The following CDH24 variants were observed in gnomAD, a reference collection of about 807,000 sequenced individuals.
The protein encoded by CDH24 is cadherin 24.
In CDH24, 61 loss-of-function variants were observed where a neutral mutation model predicts 71.2. The observed-to-expected ratio is 0.86, with a 90% CI of 0.70 to 1.06. The LOEUF (loss-of-function observed/expected upper bound fraction) is 1.06, where lower values mean the gene tolerates loss of function less well. Ranked by LOEUF, CDH24 falls within the 50% of genes least tolerant of loss-of-function variation. The probability of loss-of-function intolerance (pLI) is 0.00; values close to 1 mark genes in which losing one functional copy is unlikely to be tolerated. For synonymous variants in CDH24, 440 were observed against 470.2 expected (o/e 0.94, Z 0.83); for missense variants, 961 against 1,083.7 (o/e 0.89, Z 1.59).
chr14:23,052,335 C>G (rs1404093848), intron 8 of CDH24, 138 bp downstream of exon 8: 1 of 967,486 alleles, frequency 1.0e-6, no homozygotes, highest in Admixed American at 2.0e-5. Flanking sequence ...CAGGCTAGGA[C>G]TCAGATCCAG....
intron 10 of CDH24, 35 bp downstream of exon 10, chr14:23,049,592 G>A (rs1266621601): frequency 8.1e-7 from 1 of 1,237,612 alleles, no homozygotes; most frequent in East Asian, 2.3e-5. Flanking sequence ...AGGGGACAGA[G>A]GCAGGTATGG....
At position 23,054,014 on chromosome 14, in the gene CDH24, G is replaced by A. The variant is rs1233212329; in HGVS notation, c.972+127C>T. 3.7e-5 allele frequency: 39 copies of A among 1,055,052 alleles called. 1 individual carries two copies. The East Asian group carries it at 9.1e-4, about 24-fold the overall frequency. 65.4% of individuals were successfully genotyped at this position (1,055,052 alleles called of 1,614,324 possible). On this transcript the variant is annotated intron_variant, in intron 6 of 12. Transcript: ENST00000487137. This position sits in a 1 kb window ranked among gnomAD's most constrained non-coding sequence, Gnocchi z 5.2. ...CAGGGCCTCATCTGAAGGATGAGGA[G>A]GTGACCATGATCTCTAAGCTCCAAC...
chr14:23,049,585 G>T, intron 10 of CDH24, 42 bp downstream of exon 10: 2 of 1,194,364 alleles, frequency 1.7e-6, no homozygotes, highest in Non-Finnish European at 2.4e-6. Flanking sequence ...GAGGAGAAGG[G>T]GACAGAGGCA....
Position 23,055,387 on chromosome 14 carries a change from C to T in CDH24, c.202-34G>A. 1.9e-6 allele frequency: 3 copies of T among 1,596,350 alleles called. No individual in the cohort carries two copies. Among genetic ancestry groups the T allele is most frequent in the African/African-American group, 2.7e-5 (2 of 74,624 alleles). ...GTCACGAAAAGATGGCAGAGGGCTC[C>T]AAGTACAGAGACAGGGTTAAAGAGT... On this transcript the variant is annotated intron_variant, in intron 2 of 12. Transcript: ENST00000487137. The surrounding 1 kb of genome is among the most constrained non-coding windows in gnomAD (Gnocchi z 4.1).
In CDH24 at chr14:23,053,691, A is replaced by C; in HGVS notation, c.1031T>G (p.Leu344Arg). ...TCGCCGCAGATAGGCTGGGTCAATG[A>C]GCGTGTTGGTGGCCTCGACACGGAA... is the stretch of plus-strand genomic sequence containing the variant. Reference protein sequence around the residue: ...YSFRVEATNTLIDPAYLRRGP... With the variant: ...YSFRVEATNTRIDPAYLRRGP... Residue 344 changes from leucine (L) to arginine (R), a missense_variant, in exon 7 of 13, where the codon CTC becomes CGC. Physicochemically the swap from Leu to Arg is moderately radical, Grantham distance 102 (BLOSUM62 -2). Around this residue, in one of 2 missense-constraint regions of CDH24, gnomAD observed 671 missense variants for 810.9 expected, o/e 0.83. Coordinates refer to ENST00000487137, the MANE Select transcript of CDH24 (RefSeq NM_144985.4). 3 of 1,613,680 alleles carry C rather than the reference A, an allele frequency of 1.9e-6. No homozygotes were observed. The highest frequency in any genetic ancestry group is 2.5e-6 in the Non-Finnish European group (3 of 1,179,832).
In CDH24 at chr14:23,053,649, A is replaced by T. The variant is rs753594961; in HGVS notation, c.1073T>A (p.Val358Glu). ...TTGCACTGCCACACGCACAGAGGCC[A>T]CATCCTTGAAGGGCCCTCGCCGCAG... ...AYLRRGPFKD[V>E]ASVRVAVQDA... The change falls in exon 7 of 13, where the codon GTG (valine) becomes GAG (glutamate). Residue 358 changes from valine to glutamate, a missense_variant. By Grantham distance (121) the Val-to-Glu change is moderately radical. This residue lies in a region of CDH24 where 671 missense variants were observed against 810.9 expected (regional missense o/e 0.83). Transcript: ENST00000487137. 3.7e-6 allele frequency: 6 copies of T among 1,613,886 alleles called. No individual in the cohort carries two copies. In the East Asian group the frequency reaches 1.3e-4, roughly 36 times the overall value.
rs1475393724 is a variant in CDH24 at position 23,048,431 on chromosome 14, A to C, written c.1895T>G (p.Leu632Arg). The part of the protein sequence containing the change: ...VALRRQKQEA[L>R]MVLEEEDVRE... ...GACGTCCTCCTCCTCCAGTACCATCAGTGCTTCTTGCTTCTGCCGCCGCAG... is the reference window on the plus strand; with the variant it reads ...GACGTCCTCCTCCTCCAGTACCATCCGTGCTTCTTGCTTCTGCCGCCGCAG... Residue 632 changes from leucine (L) to arginine (R), a missense_variant, in exon 12 of 13, where the codon CTG (leucine) becomes CGG (arginine). This residue lies in a region of CDH24 where 290 missense variants were observed against 272.8 expected (regional missense o/e 1.06). Coordinates refer to ENST00000487137, the MANE Select transcript of CDH24 (RefSeq NM_144985.4). 1 of 1,611,928 alleles carries C rather than the reference A, an allele frequency of 6.2e-7. No homozygotes were observed.
chr14:23,048,595 A>C, intron 11 of CDH24, 116 bp from the exon 12 acceptor site: 1 of 1,015,698 alleles, frequency 9.8e-7, no homozygotes, highest in Non-Finnish European at 1.5e-6. Flanking sequence ...AGGGGCTGAC[A>C]TCTAGCAAAC....
chr14:23,054,811 G>C lies in CDH24; in HGVS notation c.552C>G (p.Asn184Lys). Residue 184 changes from asparagine to lysine, a missense_variant, in exon 4 of 13, where the codon AAC (asparagine) becomes AAG (lysine). By Grantham distance (94) the Asn-to-Lys change is moderately conservative. Transcript: ENST00000487137. This position sits in a 1 kb window ranked among gnomAD's most constrained non-coding sequence, Gnocchi z 5.2. ...GAACAGTGTACACCAGCTTGGCACT[G>C]TTCCCATAGCTGGGGTCATCAGCAT... ...AHDADDPSYG[N>K]SAKLVYTVLD... is the part of the protein sequence containing the mutation. 6.2e-7 allele frequency: 1 copy of C among 1,614,022 alleles called. No individual in the cohort carries two copies. The highest frequency in any genetic ancestry group is 8.5e-7 in the Non-Finnish European group (1 of 1,180,026).
At chr14:23,053,841 G>T in intron 6 of CDH24, 92 bp from the exon 7 acceptor site, 1 of 1,267,306 alleles carries the variant, frequency 7.9e-7, no homozygotes, top group Non-Finnish European at 1.1e-6. Context: ...CTCCTCACAT[G>T]CATGCAGTGC....
chr14:23,049,498 C>T, intron 10 of CDH24, 129 bp downstream of exon 10: 2 of 698,314 alleles, frequency 2.9e-6, no homozygotes, highest in Non-Finnish European at 2.4e-6. Context: ...AGTACAAGTC[C>T]ACACCCATCT....
Position 23,055,577 on chromosome 14 carries a change from CAAAG to C in CDH24, c.153_156del (p.Phe51LeufsTer32). Reference sequence around the variant, plus strand: ...TCTGGACCAGCATATTCCTCAATGACAAAGAACTGGTTCCAGACCCAGCTCCTTC... The same window carrying C: ...TCTGGACCAGCATATTCCTCAATGACAACTGGTTCCAGACCCAGCTCCTTC... On this transcript the variant is annotated frameshift_variant, in exon 2 of 13. Coordinates refer to ENST00000487137, the MANE Select transcript of CDH24 (RefSeq NM_144985.4). LOFTEE classifies it high-confidence loss of function. The surrounding 1 kb of genome is among the most constrained non-coding windows in gnomAD (Gnocchi z 4.1). 2 of 1,614,076 alleles carry C rather than the reference CAAAG, an allele frequency of 1.2e-6. No homozygotes were observed. The highest frequency in any genetic ancestry group is 1.7e-6 in the Non-Finnish European group (2 of 1,180,010).
Position 23,054,268 on chromosome 14 carries a change from C to T in CDH24, c.845G>A (p.Arg282Gln), listed in dbSNP as rs764282796. The T allele has an allele frequency of 1.1e-5, 17 of 1,613,050 alleles. No individual in the cohort carries two copies. The highest frequency in any genetic ancestry group is 3.3e-5 in the South Asian group (3 of 91,034). Residue 282 changes from arginine (R) to glutamine (Q), a missense_variant, in exon 6 of 13, where the codon CGG (arginine) becomes CAG (glutamine). Coordinates refer to ENST00000487137, the MANE Select transcript of CDH24 (RefSeq NM_144985.4). The surrounding 1 kb of genome is among the most constrained non-coding windows in gnomAD (Gnocchi z 5.2). ...GTCCCCCAGGTCTGGGTCCTGGGCC[C>T]GGAGCCGGCCCACCAGTGTGCCAGG... ...AGPGTLVGRL[R>Q]AQDPDLGDNA... is the part of the protein sequence containing the mutation.
In CDH24 at chr14:23,054,518, TGGG is replaced by T; in HGVS notation, c.769_771del (p.Pro257del). Reference sequence around the variant, plus strand: ...AATGGCCCCTTACTCTGTGGGAACTTGGGGGGGTTGTCGTTGACATCGCTGAGC... The same window carrying T: ...AATGGCCCCTTACTCTGTGGGAACTTGGGGTTGTCGTTGACATCGCTGAGC... On this transcript the variant is annotated inframe_deletion, in exon 5 of 13. Transcript: ENST00000487137. The surrounding 1 kb of genome is among the most constrained non-coding windows in gnomAD (Gnocchi z 5.2). 5.0e-6 allele frequency: 8 copies of T among 1,613,092 alleles called. No individual in the cohort carries two copies. Among genetic ancestry groups the T allele is most frequent in the Admixed American group, 1.7e-5 (1 of 59,952 alleles).
chr14:23,050,891 A>G (rs1437799248), intron 8 of CDH24, among the ~76,000 whole-genome samples: 2 of 152,180 alleles, frequency 1.3e-5, no homozygotes, highest in African/African-American at 2.4e-5. Flanking sequence ...TCGCCTGGCT[A>G]AAAGGATTGG....
Position 23,048,224 on chromosome 14 carries a change from T to C in CDH24, c.2102A>G (p.Asp701Gly), listed in dbSNP as rs2047056956. The C allele has an allele frequency of 7.6e-7, 1 of 1,307,882 alleles. No homozygotes were observed. The highest frequency in any genetic ancestry group is 9.7e-7 in the Non-Finnish European group (1 of 1,028,382). The allele number at this position is 1,307,882 out of a possible 1,614,324, so 81.0% of individuals were successfully genotyped here. A position where few individuals can be genotyped will look rare whatever the true frequency, so the allele number is the denominator to read the frequency against. Reference protein sequence around the residue: ...SRQPRPPGPADVAQLLALRLR... With the variant: ...SRQPRPPGPAGVAQLLALRLR... ...CCGCAGCGCCAGGAGCTGCGCCACG[T>C]CGGCGGGGCCGGGGGGTCTGGGCTG... The change falls in exon 12 of 13, where the codon GAC becomes GGC. Residue 701 changes from aspartate (D) to glycine (G), a missense_variant. Transcript: ENST00000487137.
At position 23,051,210 on chromosome 14, in the gene CDH24, C is replaced by T. The variant is rs1266429663; in HGVS notation, c.1363+1263G>A. 6.6e-6 allele frequency among the ~76,000 whole-genome samples: 1 copy of T among 152,148 alleles called. No individual in the cohort carries two copies. Among genetic ancestry groups the T allele is most frequent in the Non-Finnish European group, 1.5e-5 (1 of 68,038 alleles). ...GCATGTATAGAAACATAAACCTAGA[C>T]ACATAGCATTAAACACATTTGAGAG... On this transcript the variant is annotated intron_variant, in intron 8 of 12. Coordinates refer to ENST00000487137, the MANE Select transcript of CDH24 (RefSeq NM_144985.4). This position sits in a 1 kb window ranked among gnomAD's most constrained non-coding sequence, Gnocchi z 4.4.
chr14:23,048,562 C>G (rs2047061135), intron 11 of CDH24, 83 bp from the exon 12 acceptor site: 1 of 1,421,818 alleles, frequency 7.0e-7, no homozygotes, highest in Admixed American at 1.9e-5. Context: ...GCTGACCCAT[C>G]AGGTGACAGA....
At chr14:23,050,405 C>T (rs1213306133) in intron 8 of CDH24, among the ~76,000 whole-genome samples, 1 of 152,116 alleles carries the variant, frequency 6.6e-6, no homozygotes, top group Non-Finnish European at 1.5e-5. Context: ...GTGCCACATC[C>T]CCCGACAACA....
Sources: gnomAD v4.1 joint callset for allele counts (sites outside exome capture counted in the v4.1 genomes callset) on GRCh38, gnomAD v4.1.1 for gene constraint, gnomAD v4.1.1 regional missense constraint, Gnocchi (gnomAD v3.1) non-coding constraint, MANE v1.5 for transcripts, NCBI Gene and HGNC (gene_info 2026-07-23, HGNC 2026-07-21) for gene names.